Variants in ZMAT4 observed in about 807,000 individuals in gnomAD.
The protein encoded by ZMAT4 is zinc finger matrin-type protein 4.
ZMAT4 carries 17 observed loss-of-function variants against 28.7 expected under a neutral mutation model. The observed-to-expected ratio is 0.59, with a 90% CI of 0.41 to 0.89. The LOEUF (loss-of-function observed/expected upper bound fraction) is 0.89. Among genes scored for constraint, ZMAT4 ranks in the 40% least tolerant of loss-of-function variants. The pLI is 0.00. For missense variants in ZMAT4, 240 were observed against 283.8 expected (o/e 0.85, Z 1.11); for synonymous variants, 117 against 109.2 (o/e 1.07, Z -0.44).
At chr8:40,694,341 T>C (rs1204356555) in intron 4 of ZMAT4, among the ~76,000 whole-genome samples, 1 of 152,182 alleles carries the variant, frequency 6.6e-6, no homozygotes, top group Non-Finnish European at 1.5e-5. Flanking sequence ...AGAACAAGCC[T>C]CCACCTTATA....
chr8:40,680,670 CCT>C (rs140307780), intron 4 of ZMAT4, among the ~76,000 whole-genome samples: 1,611 of 150,132 alleles, frequency 0.011, 21 homozygotes, highest in African/African-American at 0.038. Flanking sequence ...AACATACACT[CCT>C]CTCTCTCTCT....
rs180897368 is a variant in ZMAT4, at chr8:40,569,903, A to C, written c.674+11262T>G. Among the ~76,000 whole-genome samples, 232 of 152,274 alleles carry C rather than the reference A, an allele frequency of 1.5e-3. 1 individual carries two copies. In the Middle Eastern group the frequency reaches 0.02, roughly 13 times the overall value. ...TCTGCCAGCTGGAAAATAGAAAAAC[A>C]CTAAAGAAACGTCGGTTAAACTTTA... On this transcript the variant is annotated intron_variant, in intron 6 of 6. Transcript: ENST00000297737.
At chr8:40,681,322 C>A (rs370748356) in intron 4 of ZMAT4, among the ~76,000 whole-genome samples, 33 of 152,208 alleles carry the variant, frequency 2.2e-4, no homozygotes, top group African/African-American at 7.5e-4. Context: ...TTTGGAAATG[C>A]GCATTTTTTC....
At chr8:40,615,425 A>G (rs556035150) in intron 5 of ZMAT4, among the ~76,000 whole-genome samples, 1 of 152,232 alleles carries the variant, frequency 6.6e-6, no homozygotes, top group South Asian at 2.1e-4. Flanking sequence ...CTTCTCGAGA[A>G]GTATCTTTGT....
intron 2 of ZMAT4, 24 bp from the exon 3 acceptor site, chr8:40,767,754 A>G: frequency 1.3e-6 from 2 of 1,594,900 alleles, no homozygotes; most frequent in Non-Finnish European, 1.7e-6. Context: ...GCATAAGCAG[A>G]TACTGTAAAA....
rs1807973217 is a variant in ZMAT4 at position 40,657,367 on chromosome 8, G to GA, written c.577+17336_577+17337insT. On this transcript the variant is annotated intron_variant, in intron 5 of 6. Transcript: ENST00000297737. ...CATTTCCAGTACTACAGATGTGCTG[G>GA]CAACAAATTCTTTAGTTTTTGTTGA... Among the ~76,000 whole-genome samples the GA allele has an allele frequency of 4.0e-5, 6 of 151,072 alleles. No homozygotes were observed. The South Asian group carries it at 1.3e-3, about 32-fold the overall frequency.
Position 40,531,050 on chromosome 8 carries a change from C to A in ZMAT4, c.*1173G>T, listed in dbSNP as rs1802677934. The A allele has an allele frequency of 6.6e-6, 1 of 152,658 alleles. No homozygotes were observed. The highest frequency in any genetic ancestry group is 1.5e-5 in the Non-Finnish European group (1 of 68,096). The allele number at this position is 152,658 out of a possible 1,614,324, so 9.5% of individuals were successfully genotyped here. ...GGACACAGGGCAGCCCCAGCCAGAT[C>A]CCAGCTGGTCCATGCAGGGCATCGT... On this transcript the variant is annotated 3_prime_UTR_variant, in exon 7 of 7. Transcript: ENST00000297737.
At chr8:40,890,004 T>C (rs1176123604) in intron 1 of ZMAT4, among the ~76,000 whole-genome samples, 1 of 152,256 alleles carries the variant, frequency 6.6e-6, no homozygotes, top group Non-Finnish European at 1.5e-5. Context: ...TATTACATTA[T>C]CATTTTTAAT....
At chr8:40,891,124 G>C (rs1405622685) in intron 1 of ZMAT4, among the ~76,000 whole-genome samples, 1 of 148,894 alleles carries the variant, frequency 6.7e-6, no homozygotes, top group African/African-American at 2.5e-5. Context: ...CTTGAGGCCA[G>C]GAGTTCGAGG....
At chr8:40,864,752 G>A (rs1586188153) in intron 1 of ZMAT4, among the ~76,000 whole-genome samples, 1 of 152,202 alleles carries the variant, frequency 6.6e-6, no homozygotes. Flanking sequence ...AAAACATAGA[G>A]AGAGCCTCTA....
chr8:40,652,802 A>G lies in ZMAT4; in HGVS notation c.577+21902T>C, dbSNP rs561344780. Among the ~76,000 whole-genome samples, 370 of 139,790 alleles carry G rather than the reference A, an allele frequency of 2.6e-3. 1 individual carries two copies. The highest frequency in any genetic ancestry group is 9.0e-3 in the African/African-American group (347 of 38,734). 91.7% of individuals were successfully genotyped at this position (139,790 alleles called of 152,430 possible). ...TTTGTAGGGACATGGATGAAATTGG[A>G]AATCATCATTCTCAGTAAACTATCA... On this transcript the variant is annotated intron_variant, in intron 5 of 6. Transcript: ENST00000297737.
intron 5 of ZMAT4, among the ~76,000 whole-genome samples, chr8:40,613,863 T>C (rs1331766374): frequency 6.6e-6 from 1 of 152,188 alleles, no homozygotes; most frequent in Non-Finnish European, 1.5e-5. Flanking sequence ...AAGCTGGAAG[T>C]GTGGGAGAGT....
intron 3 of ZMAT4, among the ~76,000 whole-genome samples, chr8:40,720,706 T>C (rs901385645): frequency 2.0e-5 from 3 of 151,800 alleles, no homozygotes; most frequent in Non-Finnish European, 4.4e-5. Flanking sequence ...TTTGTATTTC[T>C]CTAGAGACTG....
At chr8:40,747,490 C>G (rs1033559303) in intron 3 of ZMAT4, among the ~76,000 whole-genome samples, 1 of 151,068 alleles carries the variant, frequency 6.6e-6, no homozygotes, top group South Asian at 2.1e-4. Flanking sequence ...CGATAGCACT[C>G]TATTTCTTCC....
At chr8:40,601,610 GAA>G (rs1199648225) in intron 5 of ZMAT4, among the ~76,000 whole-genome samples, 6 of 39,272 alleles carry the variant, frequency 1.5e-4, no homozygotes, top group African/African-American at 3.8e-4. Context: ...AAGAAAGAAA[GAA>G]AGAAAGAAAG....
intron 1 of ZMAT4, among the ~76,000 whole-genome samples, chr8:40,853,799 T>G (rs1207137418): frequency 6.6e-6 from 1 of 152,194 alleles, no homozygotes; most frequent in Non-Finnish European, 1.5e-5. Flanking sequence ...TGTTTTAACA[T>G]CGTTAAGCAA....
chr8:40,674,440 A>G (rs1019888398), intron 5 of ZMAT4: 1 of 415,464 alleles, frequency 2.4e-6, no homozygotes, highest in Non-Finnish European at 4.3e-6. Flanking sequence ...AGCAGAAGGA[A>G]AACAATCTGG....
chr8:40,664,000 G>A lies in ZMAT4; in HGVS notation c.577+10704C>T, dbSNP rs540452212. ...TGAAAATGTTGAATCATCGGTTTGA[G>A]ACCCATAATTCTGACTGTACCACAG... On this transcript the variant is annotated intron_variant, in intron 5 of 6. Transcript: ENST00000297737. 5.3e-5 allele frequency among the ~76,000 whole-genome samples: 8 copies of A among 152,312 alleles called. No individual in the cohort carries two copies. In the South Asian group the frequency reaches 1.7e-3, roughly 32 times the overall value.
In ZMAT4 at chr8:40,568,653, A is replaced by G. The variant is rs1221752133; in HGVS notation, c.674+12512T>C. Among the ~76,000 whole-genome samples the G allele has an allele frequency of 2.0e-5, 3 of 152,104 alleles. No homozygotes were observed. In the East Asian group the frequency reaches 5.8e-4, roughly 29 times the overall value. ...CTTTTGTTCTTAAAACTCAATCCTC[A>G]CTATAGTCAGTTTGGGTAGGTACTT... On this transcript the variant is annotated intron_variant, in intron 6 of 6. Transcript: ENST00000297737.
Sources: gnomAD v4.1 joint callset for allele counts (sites outside exome capture counted in the v4.1 genomes callset) on GRCh38, gnomAD v4.1.1 for gene constraint, MANE v1.5 for transcripts, NCBI Gene and HGNC (gene_info 2026-07-23, HGNC 2026-07-21) for gene names.